The following GREB1 variants were observed in gnomAD, a reference collection of about 807,000 sequenced individuals.
GREB1 encodes the protein protein GREB1.
A neutral mutation model predicts 200.7 loss-of-function variants in GREB1; 106 were observed. That is an observed-to-expected ratio of 0.53 (90% CI 0.45 to 0.62). GREB1 has a LOEUF of 0.62. Ranked by LOEUF, GREB1 falls within the 20% of genes least tolerant of loss-of-function variation. GREB1 has a pLI of 0.00. For synonymous variants in GREB1, 1,132 were observed against 1,092.4 expected (o/e 1.04, Z -0.72); for missense variants, 2,243 against 2,556.8 (o/e 0.88, Z 2.65).
intron 2 of GREB1, among the ~76,000 whole-genome samples, chr2:11,558,501 G>T (rs1436520125): frequency 6.6e-6 from 1 of 152,208 alleles, no homozygotes; most frequent in Non-Finnish European, 1.5e-5. Flanking sequence ...CCAGCTCCAC[G>T]TTGGTATGAA....
chr2:11,626,515 G>A (rs1017847085), intron 24 of GREB1, among the ~76,000 whole-genome samples: 10 of 152,262 alleles, frequency 6.6e-5, no homozygotes, highest in Admixed American at 1.3e-4. Flanking sequence ...TTGAACCTGC[G>A]AGGCGGAGGT....
chr2:11,568,067 G>A (rs1677868917), intron 4 of GREB1, among the ~76,000 whole-genome samples: 1 of 152,182 alleles, frequency 6.6e-6, no homozygotes, highest in African/African-American at 2.4e-5. Flanking sequence ...GTAGCCTCAG[G>A]AACGGTCTTC....
chr2:11,632,196 CAT>C lies in GREB1; in HGVS notation c.4816+84_4816+85del, dbSNP rs997141439. On this transcript the variant is annotated intron_variant, in intron 27 of 32. Coordinates refer to ENST00000381486, the MANE Select transcript of GREB1 (RefSeq NM_014668.4). ...GAGTGTTCTAGAGACAAAAGTTAAA[CAT>C]GTGACATCAGGCCTTTTACTTTTGG... The C allele has an allele frequency of 1.1e-4, 105 of 952,914 alleles. No homozygotes were observed. The African/African-American group carries it at 1.1e-3, about 10-fold the overall frequency. The allele number at this position is 952,914 out of a possible 1,614,324, so 59.0% of individuals were successfully genotyped here.
At chr2:11,498,573 A>G (rs1216757081) in intron 1 of GREB1, among the ~76,000 whole-genome samples, 1 of 152,224 alleles carries the variant, frequency 6.6e-6, no homozygotes, top group African/African-American at 2.4e-5. Context: ...CGTGAGTCAG[A>G]ACTGGGGGGC....
At chr2:11,525,313 T>A (rs1673835220) in intron 1 of GREB1, among the ~76,000 whole-genome samples, 1 of 152,036 alleles carries the variant, frequency 6.6e-6, no homozygotes, top group Non-Finnish European at 1.5e-5. Context: ...AAGACCAACC[T>A]GGCCAACATG....
chr2:11,539,626 G>T (rs1674574002), intron 1 of GREB1, among the ~76,000 whole-genome samples: 1 of 152,138 alleles, frequency 6.6e-6, no homozygotes. Flanking sequence ...AGTTTAAAAA[G>T]AATCAGTTTA....
intron 11 of GREB1, among the ~76,000 whole-genome samples, chr2:11,594,597 C>T (rs903343950): frequency 5.3e-5 from 8 of 152,062 alleles, no homozygotes; most frequent in African/African-American, 1.7e-4. Context: ...TCAGATGATC[C>T]ACCTACCTCA....
intron 2 of GREB1, among the ~76,000 whole-genome samples, chr2:11,560,626 G>A (rs1334504493): frequency 3.3e-5 from 5 of 152,026 alleles, no homozygotes; most frequent in East Asian, 1.9e-4. Flanking sequence ...GCTTGAACCC[G>A]GGAGGCGGAG....
At chr2:11,587,741 A>ACACACACACACGCACG in intron 9 of GREB1, 1 of 772,876 alleles carries the variant, frequency 1.3e-6, no homozygotes, top group Non-Finnish European at 1.6e-6. Context: ...ACACACACAC[A>ACACACACACACGCACG]CGCCACCTTT....
chr2:11,579,524 A>T (rs545956639), intron 6 of GREB1, among the ~76,000 whole-genome samples: 15 of 152,294 alleles, frequency 9.8e-5, no homozygotes, highest in Non-Finnish European at 1.8e-4. Context: ...CTGCTAACTC[A>T]TGTCATTCTC....
chr2:11,601,090 G>A (rs1416520547), intron 16 of GREB1, 95 bp downstream of exon 16: 10 of 976,172 alleles, frequency 1.0e-5, no homozygotes, highest in South Asian at 1.6e-5. Flanking sequence ...TGTGGTTGAG[G>A]ATAATGGGTT....
intron 1 of GREB1, among the ~76,000 whole-genome samples, chr2:11,522,805 C>G (rs1203988330): frequency 6.6e-6 from 1 of 152,228 alleles, no homozygotes; most frequent in Non-Finnish European, 1.5e-5. Context: ...TATAGATCCC[C>G]TTTGCCTGTG....
chr2:11,486,610 A>G (rs1672661904), intron 1 of GREB1, among the ~76,000 whole-genome samples: 1 of 152,132 alleles, frequency 6.6e-6, no homozygotes, highest in South Asian at 2.1e-4. Context: ...CCCAACGCCT[A>G]TAATCCCAGC....
At chr2:11,636,640 G>T (rs555681507) in intron 30 of GREB1, among the ~76,000 whole-genome samples, 1 of 152,364 alleles carries the variant, frequency 6.6e-6, no homozygotes, top group Non-Finnish European at 1.5e-5. Context: ...GTCGCGGGGA[G>T]ACCTGAGTCT....
At chr2:11,615,556 T>A (rs1382265115) in intron 20 of GREB1, among the ~76,000 whole-genome samples, 2 of 152,278 alleles carry the variant, frequency 1.3e-5, no homozygotes, top group Admixed American at 1.3e-4. Context: ...TTTTTCCTAG[T>A]TCTAGAATTC....
intron 1 of GREB1, among the ~76,000 whole-genome samples, chr2:11,523,735 T>G (rs893625244): frequency 1.3e-5 from 2 of 152,248 alleles, no homozygotes; most frequent in Non-Finnish European, 2.9e-5. Flanking sequence ...ATCAGTCTCC[T>G]TCCTGTTTTC....
At chr2:11,632,186 A>G in intron 27 of GREB1, 73 bp downstream of exon 27, 1 of 1,107,936 alleles carries the variant, frequency 9.0e-7, no homozygotes, top group Non-Finnish European at 1.4e-6. Flanking sequence ...TTCTAGAGAC[A>G]AAAGTTAAAC....
intron 3 of GREB1, among the ~76,000 whole-genome samples, chr2:11,565,016 T>C (rs1444706227): frequency 6.6e-6 from 1 of 152,142 alleles, no homozygotes; most frequent in Non-Finnish European, 1.5e-5. Flanking sequence ...CATGATTCAG[T>C]TACCTCCCAC....
intron 12 of GREB1, among the ~76,000 whole-genome samples, 192 bp from the exon 13 acceptor site, chr2:11,595,919 G>GT (rs1246865562): frequency 6.6e-6 from 1 of 152,086 alleles, no homozygotes; most frequent in African/African-American, 2.4e-5. Flanking sequence ...CTATGTCTGT[G>GT]TGGGGGGAGC....
Sources: gnomAD v4.1 joint callset for allele counts (sites outside exome capture counted in the v4.1 genomes callset) on GRCh38, gnomAD v4.1.1 for gene constraint, MANE v1.5 for transcripts, NCBI Gene and HGNC (gene_info 2026-07-23, HGNC 2026-07-21) for gene names.